Variants in IFFO2 observed in about 807,000 individuals in gnomAD.
IFFO2 encodes the protein intermediate filament family orphan 2.
In IFFO2, 19 loss-of-function variants were observed where a neutral mutation model predicts 53.5. The ratio of observed to expected loss-of-function variants is 0.36; its 90% CI spans 0.25 to 0.52. The LOEUF is 0.52. Ranked by LOEUF, IFFO2 falls within the 20% of genes least tolerant of loss-of-function variation. The pLI, the probability that IFFO2 is intolerant of heterozygous loss-of-function variation, is 0.94. For synonymous variants in IFFO2, 303 were observed against 313.6 expected (o/e 0.97, Z 0.36); for missense variants, 570 against 727.4 (o/e 0.78, Z 2.49).
At chr1:18,939,744 A>C (rs540172248) in intron 1 of IFFO2, among the ~76,000 whole-genome samples, 1 of 152,314 alleles carries the variant, frequency 6.6e-6, no homozygotes, top group Non-Finnish European at 1.5e-5. Context: ...TTGATATCCA[A>C]CCACTTTCCT....
At chr1:18,954,652 A>G (rs771555786) in intron 1 of IFFO2, among the ~76,000 whole-genome samples, 1 of 152,216 alleles carries the variant, frequency 6.6e-6, no homozygotes, top group Non-Finnish European at 1.5e-5. Flanking sequence ...TTCTTCTCTT[A>G]TGGGAAGAGG....
rs1377056673 is a variant in IFFO2 at position 18,906,408 on chromosome 1, C to T, written c.*2153G>A. 1 of 152,264 alleles carries T rather than the reference C, an allele frequency of 6.6e-6. No homozygotes were observed. Among genetic ancestry groups the T allele is most frequent in the Non-Finnish European group, 1.5e-5 (1 of 68,084 alleles). 9.4% of individuals were successfully genotyped at this position (152,264 alleles called of 1,614,324 possible). The stretch of plus-strand genomic sequence containing the variant: ...TAAAGATATATCTGTCACCCTCCCA[C>T]CACCTTGGGGAACAACCCAGGGCCG... On this transcript the variant is annotated 3_prime_UTR_variant, in exon 9 of 9. Coordinates refer to ENST00000455833, the MANE Select transcript of IFFO2 (RefSeq NM_001136265.2).
At position 18,949,346 on chromosome 1, in the gene IFFO2, G is replaced by A. The variant is rs950053347; in HGVS notation, c.665+6322C>T. Reference sequence around the variant, plus strand: ...CGATGCAGGGGCAGACACATGCCAGGTAGTTACAACTCCGGGTGTGGGGGG... The same window carrying A: ...CGATGCAGGGGCAGACACATGCCAGATAGTTACAACTCCGGGTGTGGGGGG... On this transcript the variant is annotated intron_variant, in intron 1 of 8. Coordinates refer to ENST00000455833, the MANE Select transcript of IFFO2 (RefSeq NM_001136265.2). Among the ~76,000 whole-genome samples the A allele has an allele frequency of 3.9e-5, 6 of 152,250 alleles. No homozygotes were observed. In the South Asian group the frequency reaches 1.0e-3, roughly 26 times the overall value.
rs1211198951 is a variant in IFFO2, at chr1:18,908,179, G to A, written c.*382C>T. 1.0e-4 allele frequency: 23 copies of A among 228,234 alleles called. No individual in the cohort carries two copies. Among genetic ancestry groups the A allele is most frequent in the East Asian group, 1.0e-4 (1 of 9,776 alleles). 14.1% of individuals were successfully genotyped at this position (228,234 alleles called of 1,614,324 possible). A position where few individuals can be genotyped will look rare whatever the true frequency, so the allele number is the denominator to read the frequency against. Reference sequence around the variant, plus strand: ...GCAGAAACCACATTACACCACGGCCGGTTGGCCCGGCCCTCAGCTTAGAGT... The same window carrying A: ...GCAGAAACCACATTACACCACGGCCAGTTGGCCCGGCCCTCAGCTTAGAGT... On this transcript the variant is annotated 3_prime_UTR_variant, in exon 9 of 9. Transcript: ENST00000455833.
chr1:18,932,759 C>G lies in IFFO2; in HGVS notation c.666-11638G>C, dbSNP rs75670292. ...TCCTCTGTGTAGACTGGCCAAGGCC[C>G]CGGGGATGAGGCAGGGTACCTGGGT... On this transcript the variant is annotated intron_variant, in intron 1 of 8. Coordinates refer to ENST00000455833, the MANE Select transcript of IFFO2 (RefSeq NM_001136265.2). 5.3e-5 allele frequency among the ~76,000 whole-genome samples: 8 copies of G among 152,294 alleles called. No homozygotes were observed. The East Asian group carries it at 1.4e-3, about 26-fold the overall frequency.
rs1313117303 is a variant in IFFO2 at position 18,908,598 on chromosome 1, A to G, written c.1517T>C (p.Phe506Ser). 9 of 1,551,602 alleles carry G rather than the reference A, an allele frequency of 5.8e-6. No individual in the cohort carries two copies. The Admixed American group carries it at 1.8e-4, about 30-fold the overall frequency. The change falls in exon 9 of 9, where the codon TTC becomes TCC. Residue 506 changes from phenylalanine to serine, a missense_variant. Physicochemically the swap from Phe to Ser is radical, Grantham distance 155. Transcript: ENST00000455833. ...SGSTDEIQDE[F>S]EREADVEPMV... ...GGGCTCCACATCCGCCTCGCGCTCG[A>G]ACTCATCCTGGATCTCATCTGTACT... is the stretch of plus-strand genomic sequence containing the variant.
At chr1:18,931,037 T>C (rs1292530326) in intron 1 of IFFO2, among the ~76,000 whole-genome samples, 1 of 152,128 alleles carries the variant, frequency 6.6e-6, no homozygotes, top group Non-Finnish European at 1.5e-5. Context: ...CCAGGCATGG[T>C]GGCACGCACC....
chr1:18,911,978 G>A lies in IFFO2; in HGVS notation c.1209C>T (p.Ile403=), dbSNP rs753943445. The A allele has an allele frequency of 1.0e-5, 16 of 1,551,580 alleles. No homozygotes were observed. The highest frequency in any genetic ancestry group is 3.6e-5 in the South Asian group (3 of 84,066). Reference sequence around the variant, plus strand: ...CTGGGCTTACCTCGCCCTGCAGGTCGATGGTCGGATTGCAGTTGGTGAAAT... The same window carrying A: ...CTGGGCTTACCTCGCCCTGCAGGTCAATGGTCGGATTGCAGTTGGTGAAAT... ...WEDFTNCNPT[I]DLQGEQEENL... The change falls in exon 6 of 9, where the codon ATC becomes ATT. Residue 403 remains isoleucine (I), a synonymous_variant. Coordinates refer to ENST00000455833, the MANE Select transcript of IFFO2 (RefSeq NM_001136265.2).
chr1:18,917,920 C>A lies in IFFO2; in HGVS notation c.963+442G>T, dbSNP rs532866174. Among the ~76,000 whole-genome samples the A allele has an allele frequency of 1.1e-4, 17 of 152,306 alleles. No homozygotes were observed. The highest frequency in any genetic ancestry group is 3.8e-4 in the African/African-American group (16 of 41,568). On this transcript the variant is annotated intron_variant, in intron 4 of 8. Coordinates refer to ENST00000455833, the MANE Select transcript of IFFO2 (RefSeq NM_001136265.2). This position sits in a 1 kb window ranked among gnomAD's most constrained non-coding sequence, Gnocchi z 5.9. ...AGCTCCTCTTCTGAACTCTGAGGCC[C>A]CTCTACCAGAGCTCAGGCCAGCTCC...
intron 1 of IFFO2, among the ~76,000 whole-genome samples, chr1:18,925,432 A>G (rs1936269131): frequency 6.6e-6 from 1 of 152,194 alleles, no homozygotes; most frequent in Non-Finnish European, 1.5e-5. Flanking sequence ...CTCTTGCCCA[A>G]AGGAGCCAGT....
chr1:18,938,245 C>A (rs1347420836), intron 1 of IFFO2, among the ~76,000 whole-genome samples: 3 of 152,226 alleles, frequency 2.0e-5, no homozygotes, highest in Admixed American at 2.0e-4. Context: ...AGTACCTACA[C>A]CTCCCTGGAT....
Position 18,908,558 on chromosome 1 carries a change from T to C in IFFO2, c.*3A>G, listed in dbSNP as rs1935985752. 1.9e-6 allele frequency: 3 copies of C among 1,549,042 alleles called. No individual in the cohort carries two copies. Among genetic ancestry groups the C allele is most frequent in the Admixed American group, 2.0e-5 (1 of 50,984 alleles). ...GACCACCAGGCTCGCAGGGCCTCAG[T>C]CATCAGCTGACCATGGGCTCCACAT... On this transcript the variant is annotated 3_prime_UTR_variant, in exon 9 of 9. Transcript: ENST00000455833.
In IFFO2 at chr1:18,908,381, C is replaced by A. The variant is rs927720904; in HGVS notation, c.*180G>T. On this transcript the variant is annotated 3_prime_UTR_variant, in exon 9 of 9. Coordinates refer to ENST00000455833, the MANE Select transcript of IFFO2 (RefSeq NM_001136265.2). ...GGGTGGGGGATGGAGACGGGGCACC[C>A]GTTGGTGGTGTGGAAGGAAGGAAGG... The A allele has an allele frequency of 1.0e-5, 6 of 585,072 alleles. No homozygotes were observed. In the East Asian group the frequency reaches 1.2e-4, roughly 12 times the overall value. The allele number at this position is 585,072 out of a possible 1,614,324, so 36.2% of individuals were successfully genotyped here.
In IFFO2 at chr1:18,908,498, C is replaced by A. The variant is rs1174336830; in HGVS notation, c.*63G>T. The stretch of plus-strand genomic sequence containing the variant: ...ACCCCACTCCGAGGGGCCTTCCTGG[C>A]CCCATGAGGAGAGGTGGCAGGGCCC... On this transcript the variant is annotated 3_prime_UTR_variant, in exon 9 of 9. Transcript: ENST00000455833. 1 of 1,239,064 alleles carries A rather than the reference C, an allele frequency of 8.1e-7. No individual in the cohort carries two copies. The highest frequency in any genetic ancestry group is 2.0e-5 in the Admixed American group (1 of 50,532). The allele number at this position is 1,239,064 out of a possible 1,614,324, so 76.8% of individuals were successfully genotyped here.
At chr1:18,926,001 TTGGTTGGATGGATGGA>T (rs1936286853) in intron 1 of IFFO2, among the ~76,000 whole-genome samples, 4 of 11,538 alleles carry the variant, frequency 3.5e-4, no homozygotes, top group Admixed American at 1.3e-3. Flanking sequence ...GATGGATGGA[TTGGTTGGATGGATGGA>T]TGGATGGATG....
chr1:18,935,065 A>T (rs1936427282), intron 1 of IFFO2, among the ~76,000 whole-genome samples: 1 of 152,176 alleles, frequency 6.6e-6, no homozygotes, highest in South Asian at 2.1e-4. Flanking sequence ...GGCATTCTCT[A>T]CCACAGGCTC....
In IFFO2 at chr1:18,918,417, T is replaced by C. The variant is rs1213415528; in HGVS notation, c.908A>G (p.Lys303Arg). ...CCGCTGCTGTGCGACATCGCACAGC[T>C]TGGCCGTGATATCGATTCGGCGGCA... is the stretch of plus-strand genomic sequence containing the variant. Reference protein sequence around the residue: ...DICRRIDITAKLCDVAQQRNS... With the variant: ...DICRRIDITARLCDVAQQRNS... The change falls in exon 4 of 9, where the codon AAG becomes AGG. Residue 303 changes from lysine (K) to arginine (R), a missense_variant. Lys to Arg is a conservative substitution (Grantham distance 26, BLOSUM62 2). Transcript: ENST00000455833. The surrounding 1 kb of genome is among the most constrained non-coding windows in gnomAD (Gnocchi z 5.2). 6.4e-7 allele frequency: 1 copy of C among 1,558,130 alleles called. No individual in the cohort carries two copies. Among genetic ancestry groups the C allele is most frequent in the East Asian group, 2.4e-5 (1 of 41,394 alleles).
intron 8 of IFFO2, among the ~76,000 whole-genome samples, chr1:18,909,418 C>T (rs1231943533): frequency 6.6e-6 from 1 of 152,132 alleles, no homozygotes; most frequent in East Asian, 1.9e-4. Flanking sequence ...CTCCTGGGGA[C>T]AGGCCCTGGG....
intron 1 of IFFO2, among the ~76,000 whole-genome samples, chr1:18,938,971 G>A (rs189451768): frequency 6.6e-6 from 1 of 152,344 alleles, no homozygotes; most frequent in Admixed American, 6.5e-5. Context: ...AGGCAACACT[G>A]CTTAACCCCT....
Sources: gnomAD v4.1 joint callset for allele counts (sites outside exome capture counted in the v4.1 genomes callset) on GRCh38, gnomAD v4.1.1 for gene constraint, Gnocchi (gnomAD v3.1) non-coding constraint, MANE v1.5 for transcripts, NCBI Gene and HGNC (gene_info 2026-07-23, HGNC 2026-07-21) for gene names.